Variants in ZC3H7B observed in about 807,000 individuals in gnomAD.
ZC3H7B encodes the protein zinc finger CCCH-type containing 7B, also known as zinc finger CCCH domain-containing protein 7B.
Under a neutral mutation model 116.0 loss-of-function variants are expected in ZC3H7B, and 35 were observed. The ratio of observed to expected loss-of-function variants is 0.30; its 90% confidence interval spans 0.23 to 0.40. The LOEUF (loss-of-function observed/expected upper bound fraction) is 0.40. ZC3H7B is among the 10% of genes least tolerant of loss of function. ZC3H7B has a pLI of 1.00. For synonymous variants in ZC3H7B, 502 were observed against 545.6 expected (o/e 0.92, Z 1.11); for missense variants, 1,011 against 1,321.5 (o/e 0.77, Z 3.64).
At chr22:41,309,329 T>C (rs2036089092) in intron 1 of ZC3H7B, among the ~76,000 whole-genome samples, 1 of 146,162 alleles carries the variant, frequency 6.8e-6, no homozygotes, top group African/African-American at 2.5e-5. Context: ...TTTTTCTTTT[T>C]TTGAGACAGA....
chr22:41,329,031 C>CAAAAAAAAAAAA (rs905189346), intron 5 of ZC3H7B, among the ~76,000 whole-genome samples: 1 of 40,474 alleles, frequency 2.5e-5, no homozygotes, highest in Non-Finnish European at 5.5e-5. Flanking sequence ...TACTAAAATA[C>CAAAAAAAAAAAA]AAAAAAAAAA....
chr22:41,348,312 C>A, intron 15 of ZC3H7B, 145 bp downstream of exon 15: 1 of 662,190 alleles, frequency 1.5e-6, no homozygotes, highest in South Asian at 1.8e-5. Flanking sequence ...CAAATCCAGC[C>A]TCCACCTGGA....
intron 12 of ZC3H7B, 71 bp from the exon 13 acceptor site, chr22:41,343,344 G>A (rs879105482): frequency 2.0e-5 from 31 of 1,543,356 alleles, no homozygotes; most frequent in Middle Eastern, 3.5e-4. Context: ...CCTACCCACC[G>A]CATGGGCCTG....
intron 11 of ZC3H7B, 93 bp from the exon 12 acceptor site, chr22:41,342,436 C>G: frequency 8.4e-7 from 1 of 1,193,992 alleles, no homozygotes; most frequent in Non-Finnish European, 1.2e-6. Context: ...ATAGGGGGGT[C>G]ATAGAGCACT....
rs373227163 is a variant in ZC3H7B, at chr22:41,323,898, G to A, written c.54-1666G>A. On this transcript the variant is annotated intron_variant, in intron 2 of 22. Transcript: ENST00000352645. ...ATCCCGGCTAACATGGTGAAACCCT[G>A]TCTCTACTAAAAATACAAAAAATTA... Among the ~76,000 whole-genome samples, 17 of 152,252 alleles carry A rather than the reference G, an allele frequency of 1.1e-4. No individual in the cohort carries two copies. The East Asian group carries it at 2.7e-3, about 24-fold the overall frequency.
chr22:41,340,058 G>A lies in ZC3H7B; in HGVS notation c.1059G>A (p.Pro353=), dbSNP rs369534216. ...CGCTGGACCCCCTGGACCTGCTGCC[G>A]TACTCGGAGACCCGGCTGGATGCAC... The part of the protein sequence containing the change: ...GPTLDPLDLL[P]YSETRLDALD... The change falls in exon 10 of 23, where the codon CCG becomes CCA. Residue 353 remains proline, a synonymous_variant. Coordinates refer to ENST00000352645, the MANE Select transcript of ZC3H7B (RefSeq NM_017590.6). 50 of 1,611,738 alleles carry A rather than the reference G, an allele frequency of 3.1e-5. No homozygotes were observed. The highest frequency in any genetic ancestry group is 4.0e-5 in the African/African-American group (3 of 74,908).
At position 41,356,001 on chromosome 22, in the gene ZC3H7B, C is replaced by T; in HGVS notation, c.2322C>T (p.Asn774=). Residue 774 remains asparagine, a synonymous_variant, in exon 20 of 23, where the codon AAC becomes AAT. Coordinates refer to ENST00000352645, the MANE Select transcript of ZC3H7B (RefSeq NM_017590.6). ...GCCGCAAGTGCCAATATGTGGGGAA[C>T]TGCTCCTTCGCACACAGCCCGGAGG... The part of the protein sequence containing the change: ...QNGRKCQYVG[N]CSFAHSPEER... The T allele has an allele frequency of 6.4e-7, 1 of 1,566,316 alleles. No individual in the cohort carries two copies. The highest frequency in any genetic ancestry group is 8.6e-7 in the Non-Finnish European group (1 of 1,157,552).
chr22:41,320,710 T>C lies in ZC3H7B; in HGVS notation c.50T>C (p.Ile17Thr). 6.2e-7 allele frequency: 1 copy of C among 1,613,940 alleles called. No homozygotes were observed. The highest frequency in any genetic ancestry group is 8.5e-7 in the Non-Finnish European group (1 of 1,179,886). ...GACATCGAGAAAGGGCTGCAGTTCA[T>C]TCAGTAAGCCTGCATGCGGCAGGGG... is the stretch of plus-strand genomic sequence containing the variant. ...KADIEKGLQF[I>T]QSTLPLKQEE... is the part of the protein sequence containing the mutation. The change falls in exon 2 of 23, where the codon ATT (isoleucine) becomes ACT (threonine). Residue 17 changes from isoleucine to threonine, a missense_variant. Transcript: ENST00000352645.
intron 13 of ZC3H7B, 68 bp from the exon 14 acceptor site, chr22:41,345,935 G>C: frequency 6.5e-7 from 1 of 1,531,646 alleles, no homozygotes; most frequent in Non-Finnish European, 9.0e-7. Context: ...GGCCGCAGCG[G>C]GGTGGCGAGG....
chr22:41,355,244 C>T (rs577285850), intron 17 of ZC3H7B, among the ~76,000 whole-genome samples: 2 of 152,268 alleles, frequency 1.3e-5, no homozygotes, highest in African/African-American at 2.4e-5. Flanking sequence ...GGGAGTTGGG[C>T]GAGGCAGGGA....
rs1025131405 is a variant in ZC3H7B, at chr22:41,302,746, A to C, written c.-7+974A>C. On this transcript the variant is annotated intron_variant, in intron 1 of 22. Transcript: ENST00000352645. The surrounding 1 kb of genome is among the most constrained non-coding windows in gnomAD (Gnocchi z 5.7). Reference sequence around the variant, plus strand: ...CCCAGGGGGGAAAATAATCATATAAAAACAGCTCACTCTGATAGAACCTGA... The same window carrying C: ...CCCAGGGGGGAAAATAATCATATAACAACAGCTCACTCTGATAGAACCTGA... Among the ~76,000 whole-genome samples the C allele has an allele frequency of 1.3e-5, 2 of 152,188 alleles. No individual in the cohort carries two copies. Among genetic ancestry groups the C allele is most frequent in the Non-Finnish European group, 1.5e-5 (1 of 68,008 alleles).
intron 2 of ZC3H7B, 115 bp from the exon 3 acceptor site, chr22:41,325,449 T>C: frequency 7.2e-7 from 1 of 1,394,646 alleles, no homozygotes; most frequent in Non-Finnish European, 9.9e-7. Context: ...CCGCAGTCTG[T>C]TCACCCTAGT....
chr22:41,341,251 C>A, intron 11 of ZC3H7B, 105 bp downstream of exon 11: 1 of 1,373,516 alleles, frequency 7.3e-7, no homozygotes. Flanking sequence ...ACTGCATTCC[C>A]CACGGCGGGG....
At chr22:41,341,235 T>G in intron 11 of ZC3H7B, 89 bp downstream of exon 11, 1 of 1,488,406 alleles carries the variant, frequency 6.7e-7, no homozygotes, top group Non-Finnish European at 9.3e-7. Context: ...CTGCATGGGG[T>G]AAGGCACTGC....
rs1345661544 is a variant in ZC3H7B, at chr22:41,360,020, T to C, written c.*2591T>C. On this transcript the variant is annotated 3_prime_UTR_variant, in exon 23 of 23. Coordinates refer to ENST00000352645, the MANE Select transcript of ZC3H7B (RefSeq NM_017590.6). ...GAATACCACACTTTAATATTAAATA[T>C]TCATAAGGTCTAGTATCTTGATAAT... is the stretch of plus-strand genomic sequence containing the variant. 6.6e-6 allele frequency: 1 copy of C among 152,616 alleles called. No individual in the cohort carries two copies. The highest frequency in any genetic ancestry group is 6.5e-5 in the Admixed American group (1 of 15,284). 9.5% of individuals were successfully genotyped at this position (152,616 alleles called of 1,614,324 possible). A position where few individuals can be genotyped will look rare whatever the true frequency, so the allele number is the denominator to read the frequency against.
rs748919261 is a variant in ZC3H7B, at chr22:41,355,477, G to A, written c.2043G>A (p.Pro681=). Residue 681 remains proline (P), a synonymous_variant, in exon 18 of 23, where the codon CCG becomes CCA. Coordinates refer to ENST00000352645, the MANE Select transcript of ZC3H7B (RefSeq NM_017590.6). ...TCCCCATCCCCCCACAGGGTGCTCC[G>A]AGGACACATGGGCCCAGCACCTTTG... ...AGKASSSMGA[P]RTHGPSTFDL... is the part of the protein sequence containing the mutation. The A allele has an allele frequency of 3.7e-6, 6 of 1,614,044 alleles. No homozygotes were observed. The highest frequency in any genetic ancestry group is 2.2e-5 in the South Asian group (2 of 91,070).
In ZC3H7B at chr22:41,346,135, G is replaced by T. The variant is rs113935023; in HGVS notation, c.1592G>T (p.Gly531Val). ...GACCTGCTCTTCGACCCGCTGGGGGGTGTTAAGCGCGGCAGCCTCACCATC... is the reference window on the plus strand; with the variant it reads ...GACCTGCTCTTCGACCCGCTGGGGGTTGTTAAGCGCGGCAGCCTCACCATC... Reference protein sequence around the residue: ...NRDLLFDPLGGVKRGSLTIAK... With the variant: ...NRDLLFDPLGVVKRGSLTIAK... The change falls in exon 14 of 23, where the codon GGT (glycine) becomes GTT (valine). Residue 531 changes from glycine (G) to valine (V), a missense_variant. Gly to Val is a moderately radical substitution (Grantham distance 109, BLOSUM62 -3). This residue lies in a region of ZC3H7B where 179 missense variants were observed against 178.5 expected (regional missense o/e 1.00). Coordinates refer to ENST00000352645, the MANE Select transcript of ZC3H7B (RefSeq NM_017590.6). This position sits in a 1 kb window ranked among gnomAD's most constrained non-coding sequence, Gnocchi z 5.3. 1.9e-6 allele frequency: 3 copies of T among 1,613,374 alleles called. No homozygotes were observed. Among genetic ancestry groups the T allele is most frequent in the Non-Finnish European group, 2.5e-6 (3 of 1,180,022 alleles).
chr22:41,348,937 C>T (rs1230022619), intron 15 of ZC3H7B, among the ~76,000 whole-genome samples, 183 bp from the exon 16 acceptor site: 1 of 152,142 alleles, frequency 6.6e-6, no homozygotes, highest in East Asian at 1.9e-4. Context: ...GGGACCCAGG[C>T]CCAGGGGTGC....
At chr22:41,322,032 G>C (rs1212131414) in intron 2 of ZC3H7B, among the ~76,000 whole-genome samples, 11 of 149,654 alleles carry the variant, frequency 7.4e-5, no homozygotes, top group Admixed American at 7.3e-4. Context: ...GTAGAGACGG[G>C]GTTTCACCGT....
Sources: gnomAD v4.1 joint callset for allele counts (sites outside exome capture counted in the v4.1 genomes callset) on GRCh38, gnomAD v4.1.1 for gene constraint, gnomAD v4.1.1 regional missense constraint, Gnocchi (gnomAD v3.1) non-coding constraint, MANE v1.5 for transcripts, NCBI Gene and HGNC (gene_info 2026-07-23, HGNC 2026-07-21) for gene names.